The following ZNF516 variants were observed in gnomAD, a reference collection of about 807,000 sequenced individuals.
The protein encoded by ZNF516 is zinc finger protein 516.
ZNF516 carries 19 observed loss-of-function variants against 79.7 expected under a neutral mutation model. The ratio of observed to expected loss-of-function variants is 0.24; its 90% CI spans 0.17 to 0.35. ZNF516 has a LOEUF of 0.35. Ranked by LOEUF, ZNF516 falls within the 10% of genes least tolerant of loss-of-function variation. The pLI is 1.00. For missense variants in ZNF516, 1,678 were observed against 1,679.5 expected, an observed-to-expected ratio of 1.00 and a Z score of 0.02; for synonymous variants, 877 against 739.5, an observed-to-expected ratio of 1.19 and a Z score of -3.02.
chr18:76,413,607 G>C (rs560135851), intron 3 of ZNF516, among the ~76,000 whole-genome samples: 1 of 151,768 alleles, frequency 6.6e-6, no homozygotes, highest in African/African-American at 2.4e-5. Flanking sequence ...TCATCCCCTC[G>C]AATACCTCAG....
In ZNF516 at chr18:76,360,632, T is replaced by TAAAAA. The variant is rs776977927; in HGVS notation, c.*1861_*1865dup. 1,909 of 24,762 alleles carry TAAAAA rather than the reference T, an allele frequency of 0.077. 78 individuals carry two copies. The highest frequency in any genetic ancestry group is 0.11 in the Admixed American group (133 of 1,232). 1.5% of individuals were successfully genotyped at this position (24,762 alleles called of 1,614,324 possible). Reference sequence around the variant, plus strand: ...TGTAAGAATATCAGAAAAAAATAAGTAAAAAAAAAAAAAAATATATATATA... The same window carrying TAAAAA: ...TGTAAGAATATCAGAAAAAAATAAGTAAAAAAAAAAAAAAAAAAAATATATATATA... On this transcript the variant is annotated 3_prime_UTR_variant, in exon 7 of 7. Coordinates refer to ENST00000443185, the MANE Select transcript of ZNF516 (RefSeq NM_014643.4).
intron 1 of ZNF516, chr18:76,487,911 G>A (rs776745590): frequency 1.0e-6 from 1 of 982,768 alleles, no homozygotes; most frequent in Non-Finnish European, 1.2e-6. Context: ...GAGGATGAGA[G>A]CCCCCAGGAG....
In ZNF516 at chr18:76,380,210, G is replaced by A. The variant is rs533160992; in HGVS notation, c.1904C>T (p.Ser635Leu). 21 of 1,613,960 alleles carry A rather than the reference G, an allele frequency of 1.3e-5. No homozygotes were observed. The highest frequency in any genetic ancestry group is 1.2e-4 in the South Asian group (11 of 91,080). Residue 635 changes from serine to leucine, a missense_variant, in exon 4 of 7, where the codon TCG becomes TTG. Around this residue, in one of 5 missense-constraint regions of ZNF516, gnomAD observed 1,294 missense variants for 1,248.3 expected, o/e 1.04. Transcript: ENST00000443185. ...DQSHKMGDNA[S>L]ERDTGESKAG... ...CTTGGACTCGCCGGTGTCTCTTTCCGAGGCGTTATCTCCCATCTTGTGACT... is the reference window on the plus strand; with the variant it reads ...CTTGGACTCGCCGGTGTCTCTTTCCAAGGCGTTATCTCCCATCTTGTGACT...
At chr18:76,490,172 G>C (rs1053780541) in intron 1 of ZNF516, 37 of 985,290 alleles carry the variant, frequency 3.8e-5, no homozygotes, top group Non-Finnish European at 4.5e-5. Flanking sequence ...GCCCATTCAA[G>C]ATGGCCATGG....
intron 1 of ZNF516, among the ~76,000 whole-genome samples, chr18:76,473,573 G>A (rs934055491): frequency 1.3e-5 from 2 of 152,066 alleles, no homozygotes; most frequent in African/African-American, 4.8e-5. Context: ...AGGCCAAGGT[G>A]GGCGGATCAC....
In ZNF516 at chr18:76,492,730, CCCT is replaced by C. The variant is rs1175115956; in HGVS notation, c.-272+2411_-272+2413del. On this transcript the variant is annotated intron_variant, in intron 1 of 6. Coordinates refer to ENST00000443185, the MANE Select transcript of ZNF516 (RefSeq NM_014643.4). Reference sequence around the variant, plus strand: ...CCCAGTTGCTGAGAAACAATCACAGCCCTCCTCTTTTCTCCCCCTTCTGCAGGT... The same window carrying C: ...CCCAGTTGCTGAGAAACAATCACAGCCCTCTTTTCTCCCCCTTCTGCAGGT... 5.1e-6 allele frequency: 5 copies of C among 985,504 alleles called. No individual in the cohort carries two copies. In the East Asian group the frequency reaches 3.4e-4, roughly 67 times the overall value. The allele number at this position is 985,504 out of a possible 1,614,324, so 61.0% of individuals were successfully genotyped here.
chr18:76,365,807 A>G (rs1456561729), intron 6 of ZNF516, among the ~76,000 whole-genome samples: 2 of 152,150 alleles, frequency 1.3e-5, no homozygotes, highest in Non-Finnish European at 2.9e-5. Context: ...GGACCCTCTC[A>G]CCATCTTCTA....
upstream of ZNF516, chr18:76,495,643 C>T (rs1230454285): frequency 9.5e-6 from 9 of 944,372 alleles, no homozygotes; most frequent in Non-Finnish European, 1.1e-5. Flanking sequence ...AAGGCTGCTG[C>T]AGCCCCGGCT....
chr18:76,430,743 G>A (rs2075650793), intron 3 of ZNF516, among the ~76,000 whole-genome samples: 1 of 152,194 alleles, frequency 6.6e-6, no homozygotes. Context: ...TCATAGTGCT[G>A]AACGTAACTA....
At chr18:76,433,429 T>G (rs887672315) in intron 3 of ZNF516, among the ~76,000 whole-genome samples, 12 of 152,326 alleles carry the variant, frequency 7.9e-5, no homozygotes, top group African/African-American at 2.9e-4. Flanking sequence ...AGGCGGATGC[T>G]GGGGACAGAG....
Position 76,493,375 on chromosome 18 carries a change from A to C in ZNF516, c.-272+1769T>G, listed in dbSNP as rs986765972. The stretch of plus-strand genomic sequence containing the variant: ...GACGCAGGGGAAAGAGTTGCTCTCT[A>C]CACCGAAAAGGGACTTTGACCTTCC... On this transcript the variant is annotated intron_variant, in intron 1 of 6. Coordinates refer to ENST00000443185, the MANE Select transcript of ZNF516 (RefSeq NM_014643.4). This position sits in a 1 kb window ranked among gnomAD's most constrained non-coding sequence, Gnocchi z 5.2. 5.7e-6 allele frequency: 1 copy of C among 174,210 alleles called. No homozygotes were observed. The highest frequency in any genetic ancestry group is 2.4e-5 in the African/African-American group (1 of 41,686). 10.8% of individuals were successfully genotyped at this position (174,210 alleles called of 1,614,324 possible).
intron 1 of ZNF516, among the ~76,000 whole-genome samples, chr18:76,471,712 C>T (rs570641577): frequency 1.3e-5 from 2 of 152,224 alleles, no homozygotes; most frequent in African/African-American, 4.8e-5. Flanking sequence ...GAATTGGAGC[C>T]GACTTCCCCC....
rs746839489 is a variant in ZNF516, at chr18:76,442,686, G to A, written c.369C>T (p.Ala123=). 6.3e-7 allele frequency: 1 copy of A among 1,583,712 alleles called. No homozygotes were observed. The highest frequency in any genetic ancestry group is 1.1e-5 in the South Asian group (1 of 88,754). Residue 123 remains alanine (A), a synonymous_variant, in exon 3 of 7, where the codon GCC becomes GCT. Coordinates refer to ENST00000443185, the MANE Select transcript of ZNF516 (RefSeq NM_014643.4). The part of the protein sequence containing the change: ...ACASPTKSAS[A]CNRLLNGASQ... ...AGGCCCCGTTCAGCAGCCGGTTGCA[G>A]GCCGAGGCGCTCTTGGTGGGGCTGG...
chr18:76,382,236 G>C (rs772054883), intron 3 of ZNF516, among the ~76,000 whole-genome samples: 14 of 152,282 alleles, frequency 9.2e-5, no homozygotes, highest in East Asian at 3.9e-4. Context: ...GTATGAGAAA[G>C]GAGACTGGGC....
intron 1 of ZNF516, among the ~76,000 whole-genome samples, chr18:76,468,795 C>A (rs1478718742): frequency 6.6e-6 from 1 of 152,154 alleles, no homozygotes; most frequent in African/African-American, 2.4e-5. Context: ...AAAAAATTGA[C>A]ACCCCTGAAA....
chr18:76,363,798 G>T (rs756252299), intron 6 of ZNF516, among the ~76,000 whole-genome samples: 3 of 152,228 alleles, frequency 2.0e-5, no homozygotes, highest in African/African-American at 7.2e-5. Flanking sequence ...GAAGGAAAAT[G>T]GTCTTCGTGT....
chr18:76,414,956 G>C lies in ZNF516; in HGVS notation c.1810+26289C>G, dbSNP rs919233932. ...CTCACGCCTGTAATCTCAGCACTTT[G>C]GGAGGCCGAGGTGGGCAGATCACCT... On this transcript the variant is annotated intron_variant, in intron 3 of 6. Transcript: ENST00000443185. 5.9e-5 allele frequency among the ~76,000 whole-genome samples: 9 copies of C among 152,250 alleles called. No individual in the cohort carries two copies. In the South Asian group the frequency reaches 8.3e-4, roughly 14 times the overall value.
At chr18:76,400,662 A>ATT (rs1362439018) in intron 3 of ZNF516, among the ~76,000 whole-genome samples, 66 of 152,342 alleles carry the variant, frequency 4.3e-4, no homozygotes, top group Admixed American at 2.9e-3. Flanking sequence ...TCCACACAGA[A>ATT]AGCCAGGCAA....
intron 3 of ZNF516, among the ~76,000 whole-genome samples, chr18:76,394,839 G>GAGGGCGGGTGGTCAGGTGGGGGA (rs2075123349): frequency 2.4e-5 from 1 of 41,952 alleles, no homozygotes; most frequent in African/African-American, 1.6e-4. Context: ...CAGGTGGGGG[G>GAGGGCGGGTGGTCAGGTGGGGGA]AGGGCAGGTG....
Sources: gnomAD v4.1 joint callset for allele counts (sites outside exome capture counted in the v4.1 genomes callset) on GRCh38, gnomAD v4.1.1 for gene constraint, gnomAD v4.1.1 regional missense constraint, Gnocchi (gnomAD v3.1) non-coding constraint, MANE v1.5 for transcripts, NCBI Gene and HGNC (gene_info 2026-07-23, HGNC 2026-07-21) for gene names.